MACROD2: variants seen among roughly 807,000 people sequenced by gnomAD.
The protein encoded by MACROD2 is ADP-ribose glycohydrolase MACROD2.
A neutral mutation model predicts 70.4 loss-of-function variants in MACROD2; 36 were observed. The observed-to-expected ratio is 0.51, with a 90% CI of 0.39 to 0.68. The LOEUF (loss-of-function observed/expected upper bound fraction) is 0.68, where lower values mean the gene tolerates loss of function less well. Ranked by LOEUF, MACROD2 falls within the 30% of genes least tolerant of loss-of-function variation. The probability of loss-of-function intolerance (pLI) is 0.00; values close to 1 mark genes in which losing one functional copy is unlikely to be tolerated. For missense variants in MACROD2, 496 were observed against 538.4 expected (o/e 0.92, Z 0.78); for synonymous variants, 172 against 178.8 (o/e 0.96, Z 0.30).
intron 5 of MACROD2, among the ~76,000 whole-genome samples, chr20:15,052,566 T>C (rs1005161820): frequency 3.9e-5 from 6 of 152,178 alleles, no homozygotes; most frequent in African/African-American, 1.4e-4. Context: ...ACTGTGCTCA[T>C]AAAAGGTCAC....
chr20:15,970,250 CA>C (rs2066209836), intron 13 of MACROD2, among the ~76,000 whole-genome samples: 1 of 151,784 alleles, frequency 6.6e-6, no homozygotes, highest in South Asian at 2.1e-4. Context: ...GATAGAAGGC[CA>C]AAGATAAAGG....
At chr20:15,090,154 C>T (rs748050052) in intron 5 of MACROD2, among the ~76,000 whole-genome samples, 2 of 151,860 alleles carry the variant, frequency 1.3e-5, no homozygotes, top group Non-Finnish European at 2.9e-5. Context: ...TGACCTGCTA[C>T]AGCAGTAATA....
At chr20:15,536,110 C>T (rs760551468) in intron 8 of MACROD2, among the ~76,000 whole-genome samples, 37 of 152,190 alleles carry the variant, frequency 2.4e-4, no homozygotes, top group Non-Finnish European at 4.6e-4. Context: ...CGATACCGTT[C>T]CCCCTCATCA....
intron 8 of MACROD2, among the ~76,000 whole-genome samples, chr20:15,561,626 A>G (rs1427539341): frequency 6.6e-6 from 1 of 152,122 alleles, no homozygotes; most frequent in Non-Finnish European, 1.5e-5. Flanking sequence ...TAAATGAATG[A>G]ATGAGAGAGA....
chr20:15,793,786 G>C (rs2063647300), intron 8 of MACROD2, among the ~76,000 whole-genome samples: 1 of 147,062 alleles, frequency 6.8e-6, no homozygotes, highest in Admixed American at 6.8e-5. Context: ...GAATATTGGG[G>C]ATTTACATTA....
At chr20:15,286,790 AG>A (rs1446187546) in intron 6 of MACROD2, among the ~76,000 whole-genome samples, 2 of 152,210 alleles carry the variant, frequency 1.3e-5, no homozygotes, top group Non-Finnish European at 2.9e-5. Flanking sequence ...CTGGTGGCCC[AG>A]AGTACTGAAT....
At chr20:14,010,718 C>T (rs890506033) in intron 2 of MACROD2, among the ~76,000 whole-genome samples, 4 of 151,938 alleles carry the variant, frequency 2.6e-5, no homozygotes, top group Admixed American at 6.6e-5. Flanking sequence ...AAGTTTTCTT[C>T]TGTTAATTCC....
chr20:14,867,448 G>A (rs558231133), intron 5 of MACROD2, among the ~76,000 whole-genome samples: 2 of 152,176 alleles, frequency 1.3e-5, no homozygotes, highest in African/African-American at 4.8e-5. Flanking sequence ...CTTGGAAAGT[G>A]AGTTTCATGC....
At chr20:15,333,807 C>T (rs2078019284) in intron 6 of MACROD2, among the ~76,000 whole-genome samples, 1 of 151,346 alleles carries the variant, frequency 6.6e-6, no homozygotes, top group South Asian at 2.1e-4. Context: ...TAATTGTGTT[C>T]AGAAAAAAGG....
At chr20:15,275,132 C>G (rs1038138001) in intron 6 of MACROD2, among the ~76,000 whole-genome samples, 2 of 152,164 alleles carry the variant, frequency 1.3e-5, no homozygotes, top group Admixed American at 1.3e-4. Flanking sequence ...TATGCCCAGA[C>G]CCACTCCTAG....
chr20:14,951,807 G>A (rs1163577034), intron 5 of MACROD2, among the ~76,000 whole-genome samples: 1 of 151,972 alleles, frequency 6.6e-6, no homozygotes, highest in East Asian at 1.9e-4. Context: ...GTTACCCTGT[G>A]TCCCTGCCTC....
At chr20:14,785,820 T>A (rs1231248447) in intron 5 of MACROD2, among the ~76,000 whole-genome samples, 1 of 152,072 alleles carries the variant, frequency 6.6e-6, no homozygotes, top group Non-Finnish European at 1.5e-5. Flanking sequence ...TTGTCTTCCA[T>A]CTTCAGTGTT....
intron 8 of MACROD2, among the ~76,000 whole-genome samples, chr20:15,595,796 G>A (rs1261111993): frequency 6.6e-6 from 1 of 152,174 alleles, no homozygotes; most frequent in Non-Finnish European, 1.5e-5. Flanking sequence ...TGTGATGTGT[G>A]TAAATGCTTT....
In MACROD2 at chr20:14,682,411, A is replaced by ATG. The variant is rs575628470; in HGVS notation, c.302-2423_302-2422dup. On this transcript the variant is annotated intron_variant, in intron 4 of 17. Coordinates refer to ENST00000684519, the MANE Select transcript of MACROD2 (RefSeq NM_001351661.2). ...GCATATATTTTCAGTACATATATAT[A>ATG]TGTGTGTGTGCTGAATATATATATA... Among the ~76,000 whole-genome samples the ATG allele has an allele frequency of 2.8e-3, 419 of 151,482 alleles. 2 individuals carry two copies. The highest frequency in any genetic ancestry group is 9.4e-3 in the African/African-American group (387 of 41,376).
chr20:15,116,558 T>A (rs2075993078), intron 5 of MACROD2, among the ~76,000 whole-genome samples: 1 of 152,166 alleles, frequency 6.6e-6, no homozygotes, highest in Non-Finnish European at 1.5e-5. Context: ...GACAGGAGAA[T>A]CGCTTAAACC....
chr20:14,660,194 C>T (rs1986159090), intron 4 of MACROD2, among the ~76,000 whole-genome samples: 1 of 152,188 alleles, frequency 6.6e-6, no homozygotes, highest in Admixed American at 6.5e-5. Flanking sequence ...AGATGTCATA[C>T]TTTGTTACTG....
chr20:15,012,173 G>A (rs1437488368), intron 5 of MACROD2, among the ~76,000 whole-genome samples: 1 of 152,096 alleles, frequency 6.6e-6, no homozygotes, highest in African/African-American at 2.4e-5. Context: ...AATTGGTGGT[G>A]GGAACTAAAC....
At chr20:15,800,526 A>G (rs1202738310) in intron 8 of MACROD2, among the ~76,000 whole-genome samples, 1 of 150,786 alleles carries the variant, frequency 6.6e-6, no homozygotes. Flanking sequence ...AACACCATAT[A>G]TTAAAGAGGA....
At chr20:15,787,144 G>T (rs538412675) in intron 8 of MACROD2, among the ~76,000 whole-genome samples, 112 of 152,056 alleles carry the variant, frequency 7.4e-4, no homozygotes, top group African/African-American at 2.6e-3. Context: ...GCTCATTTTT[G>T]TATTTTTAAT....
Sources: gnomAD v4.1 joint callset for allele counts (sites outside exome capture counted in the v4.1 genomes callset) on GRCh38, gnomAD v4.1.1 for gene constraint, MANE v1.5 for transcripts, NCBI Gene and HGNC (gene_info 2026-07-23, HGNC 2026-07-21) for gene names.